CPT1A: variants seen among roughly 807,000 people sequenced by gnomAD.
The protein encoded by CPT1A is carnitine O-palmitoyltransferase 1, liver isoform.
CPT1A carries 64 observed loss-of-function variants against 100.8 expected under a neutral mutation model. The observed-to-expected ratio is 0.63, with a 90% CI of 0.52 to 0.78. The LOEUF (loss-of-function observed/expected upper bound fraction) is 0.78. Among genes scored for constraint, CPT1A ranks in the 30% least tolerant of loss-of-function variants. The probability of loss-of-function intolerance (pLI) is 0.00; values close to 1 mark genes in which losing one functional copy is unlikely to be tolerated. For missense variants in CPT1A, 802 were observed against 1,034.1 expected, an observed-to-expected ratio of 0.78 and a Z score of 3.08; for synonymous variants, 363 against 396.0, an observed-to-expected ratio of 0.92 and a Z score of 0.99.
Position 68,809,998 on chromosome 11 carries a change from C to T in CPT1A, c.282-2360G>A, listed in dbSNP as rs570414279. On this transcript the variant is annotated intron_variant, in intron 3 of 18. Coordinates refer to ENST00000265641, the MANE Select transcript of CPT1A (RefSeq NM_001876.4). Reference sequence around the variant, plus strand: ...TTCAAGACCAGCCTGGCCAACACGGCGAAACCCCATCTCTATCAAAAATAC... The same window carrying T: ...TTCAAGACCAGCCTGGCCAACACGGTGAAACCCCATCTCTATCAAAAATAC... 2.1e-3 allele frequency among the ~76,000 whole-genome samples: 321 copies of T among 152,140 alleles called. 2 individuals are homozygous for T. The highest frequency in any genetic ancestry group is 1.8e-3 in the Admixed American group (27 of 15,290).
chr11:68,770,503 T>C (rs1386207116), intron 14 of CPT1A, among the ~76,000 whole-genome samples: 10 of 152,330 alleles, frequency 6.6e-5, no homozygotes, highest in Admixed American at 3.3e-4. Context: ...TTTGAAGCAG[T>C]AGCTAGCTAT....
chr11:68,825,781 C>T (rs1339466706), intron 1 of CPT1A, among the ~76,000 whole-genome samples: 1 of 152,100 alleles, frequency 6.6e-6, no homozygotes, highest in Non-Finnish European at 1.5e-5. Flanking sequence ...CTTCACCTCT[C>T]CCCAGAAGAG....
At chr11:68,791,942 G>C (rs1338594275) in intron 9 of CPT1A, among the ~76,000 whole-genome samples, 1 of 152,124 alleles carries the variant, frequency 6.6e-6, no homozygotes, top group African/African-American at 2.4e-5. Context: ...ATACAGCAAA[G>C]GCTCCCCAAT....
chr11:68,793,208 A>T, intron 9 of CPT1A, 107 bp downstream of exon 9: 1 of 729,452 alleles, frequency 1.4e-6, no homozygotes, highest in Non-Finnish European at 2.3e-6. Context: ...CTACAATCTC[A>T]GGAAGGGTCA....
intron 1 of CPT1A, among the ~76,000 whole-genome samples, chr11:68,834,429 T>C (rs1221305136): frequency 2.7e-5 from 4 of 150,498 alleles, no homozygotes; most frequent in Admixed American, 2.0e-4. Context: ...GAGGGAGACT[T>C]CGTCTCAAAA....
At chr11:68,820,411 G>A (rs931218030) in intron 1 of CPT1A, among the ~76,000 whole-genome samples, 5 of 152,022 alleles carry the variant, frequency 3.3e-5, no homozygotes, top group East Asian at 2.0e-4. Flanking sequence ...GGCTTGGTGC[G>A]GTGGCTCATG....
At chr11:68,759,690 G>A (rs553966094) in intron 17 of CPT1A, 29 bp from the exon 18 acceptor site, 1 of 1,510,088 alleles carries the variant, frequency 6.6e-7, no homozygotes, top group Non-Finnish European at 9.2e-7. Flanking sequence ...TGAATTTGTT[G>A]CTGGGAAATG....
At chr11:68,798,407 C>T (rs1023448120) in intron 6 of CPT1A, among the ~76,000 whole-genome samples, 1 of 152,236 alleles carries the variant, frequency 6.6e-6, no homozygotes, top group Non-Finnish European at 1.5e-5. Context: ...CATGCCACGT[C>T]TAGCGCCACC....
chr11:68,816,013 C>T (rs1856378862), intron 1 of CPT1A, among the ~76,000 whole-genome samples: 1 of 152,044 alleles, frequency 6.6e-6, no homozygotes, highest in Non-Finnish European at 1.5e-5. Context: ...TGGCCCTGGA[C>T]GTCCCCCGGA....
At chr11:68,771,858 T>C (rs1199069323) in intron 14 of CPT1A, among the ~76,000 whole-genome samples, 2 of 152,208 alleles carry the variant, frequency 1.3e-5, no homozygotes, top group Non-Finnish European at 2.9e-5. Flanking sequence ...TTTCCTCACC[T>C]GTAAAATGGG....
chr11:68,782,089 T>G, intron 10 of CPT1A, 130 bp from the exon 11 acceptor site: 1 of 850,054 alleles, frequency 1.2e-6, no homozygotes, highest in Non-Finnish European at 1.9e-6. Context: ...GTTGATGATG[T>G]TCCCCATCTG....
Position 68,756,905 on chromosome 11 carries a change from T to A in CPT1A, c.*739A>T, listed in dbSNP as rs1946704315. The A allele has an allele frequency of 6.6e-6, 1 of 152,392 alleles. No individual in the cohort carries two copies. The allele number at this position is 152,392 out of a possible 1,614,324, so 9.4% of individuals were successfully genotyped here. A position where few individuals can be genotyped will look rare whatever the true frequency, so the allele number is the denominator to read the frequency against. On this transcript the variant is annotated 3_prime_UTR_variant, in exon 19 of 19. Transcript: ENST00000265641. ...ACGGTTATCCATACTCAGTCAATTGTGAAGGGAACAGTATACCCACAATTC... is the reference window on the plus strand; with the variant it reads ...ACGGTTATCCATACTCAGTCAATTGAGAAGGGAACAGTATACCCACAATTC...
chr11:68,827,424 C>T (rs146325738), intron 1 of CPT1A, among the ~76,000 whole-genome samples: 7 of 152,206 alleles, frequency 4.6e-5, no homozygotes, highest in South Asian at 4.1e-4. Context: ...ATAAGATAAC[C>T]GCAAACACAC....
intron 1 of CPT1A, among the ~76,000 whole-genome samples, chr11:68,839,239 C>T (rs947252400): frequency 6.6e-6 from 1 of 152,180 alleles, no homozygotes; most frequent in Non-Finnish European, 1.5e-5. Flanking sequence ...TTTCCGCCTC[C>T]CGCCGCCGCT....
At chr11:68,840,854 G>T (rs879631979) in intron 1 of CPT1A, among the ~76,000 whole-genome samples, 180 of 152,326 alleles carry the variant, frequency 1.2e-3, no homozygotes, top group Non-Finnish European at 1.7e-3. Flanking sequence ...GGCCAAGTTC[G>T]CCAGGGCACG....
chr11:68,768,316 C>G (rs1225080684), intron 14 of CPT1A, among the ~76,000 whole-genome samples: 4 of 151,926 alleles, frequency 2.6e-5, no homozygotes, highest in Non-Finnish European at 5.9e-5. Flanking sequence ...ACCTCATGAT[C>G]CGCCCACCTC....
intron 3 of CPT1A, among the ~76,000 whole-genome samples, chr11:68,808,721 C>A (rs1466797618): frequency 6.6e-6 from 1 of 151,766 alleles, no homozygotes; most frequent in African/African-American, 2.4e-5. Flanking sequence ...TTGGGAACTG[C>A]AAAATATTTT....
rs753776604 is a variant in CPT1A, at chr11:68,780,711, TG to T, written c.1386del (p.Phe462LeufsTer69). 5.6e-6 allele frequency: 9 copies of T among 1,614,124 alleles called. No homozygotes were observed. Among genetic ancestry groups the T allele is most frequent in the Non-Finnish European group, 7.6e-6 (9 of 1,180,048 alleles). On this transcript the variant is annotated frameshift_variant, in exon 12 of 19. Coordinates refer to ENST00000265641, the MANE Select transcript of CPT1A (RefSeq NM_001876.4). LOFTEE classifies it high-confidence loss of function. ...WFDKSFTFVV[F>X]KNGKMGLNAE... Reference sequence around the variant, plus strand: ...GCGTTGAGGCCCATCTTCCCGTTTTTGAAGACAACAAACGTGAACGACTTGT... The same window carrying T: ...GCGTTGAGGCCCATCTTCCCGTTTTTAAGACAACAAACGTGAACGACTTGT...
rs747095425 is a variant in CPT1A at position 68,760,222 on chromosome 11, C to T, written c.2142+3G>A. The T allele has an allele frequency of 1.2e-6, 2 of 1,604,624 alleles. No individual in the cohort carries two copies. The highest frequency in any genetic ancestry group is 1.7e-6 in the Non-Finnish European group (2 of 1,175,408). ...GCGCCTCGCCCAGCCCCGCCGCACT[C>T]ACCGGTCCAAAGCCCCCTCCGCTGG... On this transcript the variant is annotated splice_donor_region_variant and intron_variant, in intron 17 of 18. Transcript: ENST00000265641.
Sources: gnomAD v4.1 joint callset for allele counts (sites outside exome capture counted in the v4.1 genomes callset) on GRCh38, gnomAD v4.1.1 for gene constraint, MANE v1.5 for transcripts, NCBI Gene and HGNC (gene_info 2026-07-23, HGNC 2026-07-21) for gene names.